The following PRKAG2 variants were observed in gnomAD, a reference collection of about 807,000 sequenced individuals.
The protein encoded by PRKAG2 is 5'-AMP-activated protein kinase subunit gamma-2.
A neutral mutation model predicts 69.6 loss-of-function variants in PRKAG2; 26 were observed. The ratio of observed to expected loss-of-function variants is 0.37; its 90% confidence interval spans 0.27 to 0.52. The LOEUF is 0.52. Ranked by LOEUF, PRKAG2 falls within the 20% of genes least tolerant of loss-of-function variation. The probability of loss-of-function intolerance (pLI) is 0.90; values close to 1 mark genes in which losing one functional copy is unlikely to be tolerated. For synonymous variants in PRKAG2, 293 were observed against 285.0 expected, an observed-to-expected ratio of 1.03 and a Z score of -0.28; for missense variants, 557 against 740.0, an observed-to-expected ratio of 0.75 and a Z score of 2.87.
At chr7:151,838,536 G>A (rs746663543) in intron 1 of PRKAG2, among the ~76,000 whole-genome samples, 6 of 151,568 alleles carry the variant, frequency 4.0e-5, no homozygotes, top group Admixed American at 6.6e-5. Flanking sequence ...GGTAAAACCC[G>A]TCTCTACAAA....
chr7:151,613,115 C>T (rs769421277), intron 5 of PRKAG2, among the ~76,000 whole-genome samples: 8 of 152,182 alleles, frequency 5.3e-5, no homozygotes, highest in African/African-American at 7.2e-5. Flanking sequence ...GAGCTACCTG[C>T]GGCACTCTAA....
intron 5 of PRKAG2, among the ~76,000 whole-genome samples, chr7:151,626,760 C>T (rs1823036052): frequency 6.9e-6 from 1 of 144,520 alleles, no homozygotes; most frequent in South Asian, 2.1e-4. Flanking sequence ...CCAGCAGCTT[C>T]TAAGCCTTGT....
intron 1 of PRKAG2, among the ~76,000 whole-genome samples, chr7:151,838,978 G>A (rs1414849447): frequency 6.8e-6 from 1 of 147,222 alleles, no homozygotes; most frequent in Non-Finnish European, 1.5e-5. Context: ...CTGAGCCATT[G>A]CACTCCAGGC....
At chr7:151,783,244 C>T (rs1266388157) in intron 2 of PRKAG2, among the ~76,000 whole-genome samples, 1 of 152,250 alleles carries the variant, frequency 6.6e-6, no homozygotes, top group Non-Finnish European at 1.5e-5. Flanking sequence ...CGGCCTGGCG[C>T]GGACACCTTC....
chr7:151,568,643 G>A (rs1806832113), intron 11 of PRKAG2, 73 bp downstream of exon 11: 1 of 1,536,414 alleles, frequency 6.5e-7, no homozygotes, highest in Non-Finnish European at 9.0e-7. Flanking sequence ...GGTAACAGGA[G>A]CCAATTTACT....
At chr7:151,560,455 C>T (rs117104964) in intron 15 of PRKAG2, 69 bp downstream of exon 15, 1 of 1,612,946 alleles carries the variant, frequency 6.2e-7, no homozygotes, top group African/African-American at 1.3e-5. Context: ...GGTTTAAATG[C>T]TGCACTTCCT....
Position 151,560,510 on chromosome 7 carries a change from A to C in PRKAG2, c.1678+14T>G. On this transcript the variant is annotated intron_variant, in intron 15 of 15. Transcript: ENST00000287878. ...CTAGACGCCGATGGCAAAGGTCAGA[A>C]ACCAGCATTTTACCTGCTGGTGTGA... The C allele has an allele frequency of 6.2e-7, 1 of 1,614,118 alleles. No individual in the cohort carries two copies. Among genetic ancestry groups the C allele is most frequent in the Non-Finnish European group, 8.5e-7 (1 of 1,179,982 alleles).
chr7:151,694,494 G>C (rs2151541681), intron 3 of PRKAG2, among the ~76,000 whole-genome samples: 1 of 152,184 alleles, frequency 6.6e-6, no homozygotes, highest in East Asian at 1.9e-4. Flanking sequence ...TCTACTTCCT[G>C]TATCTGGGAA....
intron 3 of PRKAG2, among the ~76,000 whole-genome samples, chr7:151,710,540 C>T (rs1383682925): frequency 1.3e-5 from 2 of 152,200 alleles, no homozygotes; most frequent in Non-Finnish European, 2.9e-5. Context: ...CTTCAGGGCC[C>T]GTGCATGTGC....
chr7:151,778,731 C>T lies in PRKAG2; in HGVS notation c.466+2421G>A, dbSNP rs143595415. 4.4e-3 allele frequency among the ~76,000 whole-genome samples: 670 copies of T among 152,330 alleles called. 3 individuals carry two copies. Among genetic ancestry groups the T allele is most frequent in the Non-Finnish European group, 6.4e-3 (436 of 68,032 alleles). On this transcript the variant is annotated intron_variant, in intron 3 of 15. Coordinates refer to ENST00000287878, the MANE Select transcript of PRKAG2 (RefSeq NM_016203.4). The stretch of plus-strand genomic sequence containing the variant: ...CCAAAGCTCAGGTCTGGGAGCTTGA[C>T]ATTTTTTTCAAGATGTATTCATTTT...
At chr7:151,727,254 A>ATTGTGTTT (rs1798139760) in intron 3 of PRKAG2, among the ~76,000 whole-genome samples, 1 of 152,038 alleles carries the variant, frequency 6.6e-6, no homozygotes, top group African/African-American at 2.4e-5. Flanking sequence ...CCGATACTCA[A>ATTGTGTTT]TGGTATTTGG....
chr7:151,850,967 C>T lies in PRKAG2; in HGVS notation c.114+25540G>A, dbSNP rs144075287. Among the ~76,000 whole-genome samples, 1 of 152,146 alleles carries T rather than the reference C, an allele frequency of 6.6e-6. No individual in the cohort carries two copies. On this transcript the variant is annotated intron_variant, in intron 1 of 15. Coordinates refer to ENST00000287878, the MANE Select transcript of PRKAG2 (RefSeq NM_016203.4). The surrounding 1 kb of genome is among the most constrained non-coding windows in gnomAD (Gnocchi z 4.1). The stretch of plus-strand genomic sequence containing the variant: ...TCCAAGGCACGGCCCACAGGGGTAC[C>T]CCTGCTCCCCAACCCGCAAATGGGT...
At chr7:151,722,059 C>A (rs1020094669) in intron 3 of PRKAG2, among the ~76,000 whole-genome samples, 14 of 152,126 alleles carry the variant, frequency 9.2e-5, no homozygotes, top group African/African-American at 3.4e-4. Context: ...TTGTTTCCTG[C>A]ATGTGAATAT....
At chr7:151,837,681 A>G (rs2079177830) in intron 1 of PRKAG2, among the ~76,000 whole-genome samples, 1 of 152,156 alleles carries the variant, frequency 6.6e-6, no homozygotes, top group South Asian at 2.1e-4. Context: ...CACTTTTCTC[A>G]GGGGGCTCTT....
chr7:151,869,428 C>G (rs751943822), intron 1 of PRKAG2, among the ~76,000 whole-genome samples: 1 of 152,138 alleles, frequency 6.6e-6, no homozygotes, highest in Non-Finnish European at 1.5e-5. Context: ...TGTAATTAAC[C>G]CTGTCATCTA....
At chr7:151,609,858 G>A (rs1818356179) in intron 5 of PRKAG2, among the ~76,000 whole-genome samples, 1 of 152,218 alleles carries the variant, frequency 6.6e-6, no homozygotes, top group African/African-American at 2.4e-5. Flanking sequence ...AAACAGTCCA[G>A]GCTTAGCGGT....
intron 4 of PRKAG2, chr7:151,675,177 T>G (rs181282998): frequency 1.6e-4 from 77 of 495,450 alleles, no homozygotes; most frequent in African/African-American, 9.2e-4. Context: ...TATCTTGGCC[T>G]CCCAAAGTGC....
Position 151,814,537 on chromosome 7 carries a change from T to C in PRKAG2, c.115-27996A>G, listed in dbSNP as rs1381626926. 2.4e-6 allele frequency: 3 copies of C among 1,231,352 alleles called. No individual in the cohort carries two copies. The highest frequency in any genetic ancestry group is 2.0e-6 in the Non-Finnish European group (2 of 987,978). The allele number at this position is 1,231,352 out of a possible 1,614,324, so 76.3% of individuals were successfully genotyped here. ...GGGCGGCACTCCCAGCTCTGACAAA[T>C]CCTGCTGCCTCACTCGAAAGGTCCA... On this transcript the variant is annotated intron_variant, in intron 1 of 15. Transcript: ENST00000287878. The surrounding 1 kb of genome is among the most constrained non-coding windows in gnomAD (Gnocchi z 4.8).
intron 1 of PRKAG2, among the ~76,000 whole-genome samples, chr7:151,823,783 G>A (rs2078848810): frequency 6.6e-6 from 1 of 152,100 alleles, no homozygotes; most frequent in Non-Finnish European, 1.5e-5. Context: ...CTGGAAAGGA[G>A]GTAAAGTCCA....
Sources: allele counts gnomAD v4.1 joint callset (sites outside exome capture counted in the v4.1 genomes callset), GRCh38; gene constraint gnomAD v4.1.1; non-coding constraint Gnocchi (gnomAD v3.1); transcripts MANE v1.5; gene names NCBI Gene and HGNC (gene_info 2026-07-23, HGNC 2026-07-21).